Variants in LRRC4C observed in about 807,000 individuals in gnomAD.
LRRC4C encodes the protein leucine-rich repeat-containing protein 4C.
Under a neutral mutation model 33.6 loss-of-function variants are expected in LRRC4C, and 5 were observed. That is an observed-to-expected ratio of 0.15 (90% CI 0.08 to 0.31). The LOEUF is 0.31. Ranked by LOEUF, LRRC4C falls within the 10% of genes least tolerant of loss-of-function variation. The probability of loss-of-function intolerance (pLI) is 1.00; values close to 1 mark genes in which losing one functional copy is unlikely to be tolerated. For missense variants in LRRC4C, 560 were observed against 796.7 expected, an observed-to-expected ratio of 0.70 and a Z score of 3.58; for synonymous variants, 329 against 302.0, an observed-to-expected ratio of 1.09 and a Z score of -0.93.
intron 3 of LRRC4C, among the ~76,000 whole-genome samples, chr11:40,532,608 T>C (rs986719304): frequency 3.3e-5 from 5 of 150,950 alleles, no homozygotes; most frequent in African/African-American, 7.4e-5. Flanking sequence ...ATGTAAGGGG[T>C]ATAAGATGAA....
chr11:40,624,307 T>G (rs1962732360), intron 3 of LRRC4C, among the ~76,000 whole-genome samples: 1 of 152,144 alleles, frequency 6.6e-6, no homozygotes, highest in Non-Finnish European at 1.5e-5. Flanking sequence ...ATGCATATGC[T>G]TAAACTAGTC....
Position 41,315,446 on chromosome 11 carries a change from C to G in LRRC4C, c.-496+143985G>C, listed in dbSNP as rs752629285. ...GTTTGTTTTGAGGGAAAACAGGTGT[C>G]GTGTCATGAGAACATTTAAATAGCT... On this transcript the variant is annotated intron_variant, in intron 1 of 6. Coordinates refer to ENST00000528697, the MANE Select transcript of LRRC4C (RefSeq NM_001258419.2). 4.6e-5 allele frequency among the ~76,000 whole-genome samples: 7 copies of G among 152,122 alleles called. No homozygotes were observed. The East Asian group carries it at 1.3e-3, about 29-fold the overall frequency.
chr11:41,449,434 A>C (rs1185207573), intron 1 of LRRC4C, among the ~76,000 whole-genome samples: 1 of 152,122 alleles, frequency 6.6e-6, no homozygotes, highest in African/African-American at 2.4e-5. Context: ...TGTGGCTTCC[A>C]CTGGGTAAGA....
intron 2 of LRRC4C, among the ~76,000 whole-genome samples, chr11:40,758,390 G>A (rs1391111905): frequency 1.3e-5 from 2 of 151,952 alleles, no homozygotes; most frequent in African/African-American, 4.8e-5. Context: ...TTAGGGCCTG[G>A]AGAAATGAAG....
intron 1 of LRRC4C, among the ~76,000 whole-genome samples, chr11:41,365,246 G>T (rs149193210): frequency 1.3e-5 from 2 of 151,940 alleles, no homozygotes; most frequent in East Asian, 3.9e-4. Flanking sequence ...AGGGATCTAG[G>T]TTGTGTGCTC....
chr11:40,719,022 C>T (rs777843512), intron 2 of LRRC4C, among the ~76,000 whole-genome samples: 7 of 152,202 alleles, frequency 4.6e-5, no homozygotes, highest in Non-Finnish European at 1.0e-4. Flanking sequence ...AAATGCATTA[C>T]TTCTCTTTTG....
intron 2 of LRRC4C, among the ~76,000 whole-genome samples, chr11:40,648,840 A>T (rs1942620035): frequency 6.6e-6 from 1 of 152,152 alleles, no homozygotes; most frequent in South Asian, 2.1e-4. Flanking sequence ...CCAGCTGAGA[A>T]ATAAAGAGAA....
intron 1 of LRRC4C, among the ~76,000 whole-genome samples, chr11:41,363,305 G>A (rs1438978002): frequency 1.3e-5 from 2 of 152,130 alleles, no homozygotes; most frequent in Admixed American, 6.6e-5. Flanking sequence ...AAAAACATAG[G>A]TTACTCTTCA....
chr11:41,124,909 G>A (rs1942663024), intron 1 of LRRC4C, among the ~76,000 whole-genome samples: 1 of 152,150 alleles, frequency 6.6e-6, no homozygotes, highest in South Asian at 2.1e-4. Context: ...AGAGGCTAGA[G>A]AGTCAGCATC....
Position 40,542,336 on chromosome 11 carries a change from A to T in LRRC4C, c.-270+105806T>A, listed in dbSNP as rs573628721. On this transcript the variant is annotated intron_variant, in intron 3 of 6. Transcript: ENST00000528697. The stretch of plus-strand genomic sequence containing the variant: ...ATTTTATGATTGGCTTCTGGACTAT[A>T]GTAATCTTAAAGATAGTGTTTTGTC... Among the ~76,000 whole-genome samples the T allele has an allele frequency of 2.0e-5, 3 of 152,252 alleles. No individual in the cohort carries two copies. The South Asian group carries it at 6.2e-4, about 32-fold the overall frequency.
chr11:40,880,774 G>A (rs968787164), intron 2 of LRRC4C, among the ~76,000 whole-genome samples: 28 of 150,796 alleles, frequency 1.9e-4, no homozygotes, highest in African/African-American at 6.5e-4. Flanking sequence ...GTATTTTTTT[G>A]ATAAAGCTAC....
Position 40,747,161 on chromosome 11 carries a change from G to A in LRRC4C, c.-406-98883C>T, listed in dbSNP as rs553867284. Among the ~76,000 whole-genome samples, 12 of 152,156 alleles carry A rather than the reference G, an allele frequency of 7.9e-5. No individual in the cohort carries two copies. In the South Asian group the frequency reaches 2.1e-3, roughly 26 times the overall value. Reference sequence around the variant, plus strand: ...CTGGGGCCCAAAGATCGGGCCCAAGGCAGGCATGCTCGGCCCATTGTTGCC... The same window carrying A: ...CTGGGGCCCAAAGATCGGGCCCAAGACAGGCATGCTCGGCCCATTGTTGCC... On this transcript the variant is annotated intron_variant, in intron 2 of 6. Transcript: ENST00000528697.
chr11:40,355,878 A>G (rs983748434), intron 3 of LRRC4C, among the ~76,000 whole-genome samples: 1 of 152,116 alleles, frequency 6.6e-6, no homozygotes, highest in Non-Finnish European at 1.5e-5. Context: ...AATCACTAGA[A>G]GATTCTATTC....
At chr11:40,788,602 T>C (rs2137352423) in intron 2 of LRRC4C, among the ~76,000 whole-genome samples, 1 of 152,346 alleles carries the variant, frequency 6.6e-6, no homozygotes, top group African/African-American at 2.4e-5. Flanking sequence ...TCTTTCTTTT[T>C]GTTGTCCCTC....
intron 2 of LRRC4C, among the ~76,000 whole-genome samples, chr11:40,702,213 G>A (rs1945895296): frequency 1.3e-5 from 2 of 152,000 alleles, no homozygotes; most frequent in South Asian, 4.1e-4. Context: ...TCAAGCAAGA[G>A]TATCAAAGAA....
chr11:40,859,632 G>GA (rs1410427544), intron 2 of LRRC4C, among the ~76,000 whole-genome samples: 1 of 151,720 alleles, frequency 6.6e-6, no homozygotes, highest in Admixed American at 6.6e-5. Flanking sequence ...CAAAAAAAGA[G>GA]AAAAAAAATT....
chr11:40,249,464 A>G (rs987357628), intron 4 of LRRC4C, among the ~76,000 whole-genome samples: 3 of 152,066 alleles, frequency 2.0e-5, no homozygotes, highest in South Asian at 2.1e-4. Context: ...CAAAGTGACT[A>G]TTAAATTAAA....
intron 2 of LRRC4C, among the ~76,000 whole-genome samples, chr11:40,650,071 GAGTT>G (rs1942699125): frequency 6.6e-6 from 1 of 152,100 alleles, no homozygotes; most frequent in Non-Finnish European, 1.5e-5. Flanking sequence ...CAAATGAAAA[GAGTT>G]ATTTTGGCAC....
At chr11:40,466,199 G>A (rs1481850228) in intron 3 of LRRC4C, among the ~76,000 whole-genome samples, 9 of 151,954 alleles carry the variant, frequency 5.9e-5, no homozygotes, top group African/African-American at 9.7e-5. Context: ...ACTTATAAGC[G>A]GAAGCTAAAT....
Sources: gnomAD v4.1 joint callset for allele counts (sites outside exome capture counted in the v4.1 genomes callset) on GRCh38, gnomAD v4.1.1 for gene constraint, MANE v1.5 for transcripts, NCBI Gene and HGNC (gene_info 2026-07-23, HGNC 2026-07-21) for gene names.